The following PCDHGA7 variants were observed in gnomAD, a reference collection of about 807,000 sequenced individuals.
The protein encoded by PCDHGA7 is protocadherin gamma subfamily A, 7, also known as protocadherin gamma-A7.
Under a neutral mutation model 58.3 loss-of-function variants are expected in PCDHGA7, and 44 were observed. The observed-to-expected ratio is 0.75, with a 90% CI of 0.59 to 0.97. The LOEUF is 0.97. Ranked by LOEUF, PCDHGA7 falls within the 50% of genes least tolerant of loss-of-function variation. PCDHGA7 has a pLI of 0.00. For missense variants in PCDHGA7, 1,266 were observed against 1,188.7 expected (o/e 1.06, Z -0.96); for synonymous variants, 516 against 504.2 (o/e 1.02, Z -0.31).
At chr5:141,507,831 T>C (rs2099864030) in intron 3 of PCDHGA7, among the ~76,000 whole-genome samples, 1 of 152,134 alleles carries the variant, frequency 6.6e-6, no homozygotes, top group African/African-American at 2.4e-5. Context: ...GTGGAGGTGG[T>C]GGGTCAGGCC....
rs775895766 is a variant in PCDHGA7 at position 141,384,987 on chromosome 5, G to A, written c.2088G>A (p.Ala696=). The change falls in exon 1 of 4, where the codon GCG becomes GCA. Residue 696 remains alanine, a synonymous_variant. Coordinates refer to ENST00000518325, the MANE Select transcript of PCDHGA7 (RefSeq NM_018920.4). ...ACCTCACGTTGTACCTGGTGGTGGC[G>A]GTGGCCACAGTCTCCTGCGTCTTCC... ...NYDLTLYLVV[A]VATVSCVFLA... is the part of the protein sequence containing the mutation. The A allele has an allele frequency of 8.7e-6, 14 of 1,614,114 alleles. No individual in the cohort carries two copies. The highest frequency in any genetic ancestry group is 1.1e-5 in the Non-Finnish European group (13 of 1,180,044).
At chr5:141,409,524 A>AT (rs1357085904) in intron 1 of PCDHGA7, 9 of 1,613,854 alleles carry the variant, frequency 5.6e-6, no homozygotes, top group Non-Finnish European at 6.8e-6. Context: ...ATCACCTTGT[A>AT]TGTCGCTGAC....
intron 1 of PCDHGA7, among the ~76,000 whole-genome samples, chr5:141,467,695 T>C (rs1189395935): frequency 6.6e-6 from 1 of 152,142 alleles, no homozygotes; most frequent in Non-Finnish European, 1.5e-5. Flanking sequence ...AGGGTCTGGC[T>C]CTGTTGCCCA....
chr5:141,456,236 T>G (rs1299029934), intron 1 of PCDHGA7, among the ~76,000 whole-genome samples: 1 of 152,120 alleles, frequency 6.6e-6, no homozygotes, highest in African/African-American at 2.4e-5. Flanking sequence ...TAACTGCTGT[T>G]AGGAGGCTTT....
rs763001349 is a variant in PCDHGA7 at position 141,398,988 on chromosome 5, C to A, written c.2424+13665C>A. 1.9e-6 allele frequency: 3 copies of A among 1,613,832 alleles called. No homozygotes were observed. The African/African-American group carries it at 4.0e-5, about 22-fold the overall frequency. On this transcript the variant is annotated intron_variant, in intron 1 of 3. Coordinates refer to ENST00000518325, the MANE Select transcript of PCDHGA7 (RefSeq NM_018920.4). Reference sequence around the variant, plus strand: ...ATTCCTTCTACAGAACCGGGCAAATCTTTAGTCTGAATTCAAAGAGCGGAG... The same window carrying A: ...ATTCCTTCTACAGAACCGGGCAAATATTTAGTCTGAATTCAAAGAGCGGAG...
rs758879836 is a variant in PCDHGA7 at position 141,400,006 on chromosome 5, G to A, written c.2424+14683G>A. 3 of 1,612,536 alleles carry A rather than the reference G, an allele frequency of 1.9e-6. No homozygotes were observed. The South Asian group carries it at 3.3e-5, about 18-fold the overall frequency. On this transcript the variant is annotated intron_variant, in intron 1 of 3. Coordinates refer to ENST00000518325, the MANE Select transcript of PCDHGA7 (RefSeq NM_018920.4). ...CACAGGAGAGGTGCGCACAGCGCGT[G>A]CCTTGGGCGACAGGGACGCGGCCCG...
At chr5:141,407,524 C>CT (rs2094949017) in intron 1 of PCDHGA7, among the ~76,000 whole-genome samples, 1 of 146,696 alleles carries the variant, frequency 6.8e-6, no homozygotes, top group Admixed American at 6.8e-5. Flanking sequence ...TAGGACTTAA[C>CT]TTATTGTGCA....
intron 1 of PCDHGA7, among the ~76,000 whole-genome samples, chr5:141,438,674 A>C (rs894070572): frequency 1.9e-4 from 25 of 134,850 alleles, no homozygotes; most frequent in Non-Finnish European, 3.1e-4. Context: ...ATATATTTGG[A>C]GTAGGGGATG....
At position 141,486,881 on chromosome 5, in the gene PCDHGA7, G is replaced by T. The variant is rs114512641; in HGVS notation, c.2425-7926G>T. The T allele has an allele frequency of 1.3e-5, 21 of 1,614,090 alleles. No homozygotes were observed. The East Asian group carries it at 4.7e-4, about 36-fold the overall frequency. ...TGCTCCAGCTGTGCTCCGTCCTCGG[G>T]CCCGGCCTGGTTCCTTATGTCCCCA... is the stretch of plus-strand genomic sequence containing the variant. On this transcript the variant is annotated intron_variant, in intron 1 of 3. Coordinates refer to ENST00000518325, the MANE Select transcript of PCDHGA7 (RefSeq NM_018920.4). This position sits in a 1 kb window ranked among gnomAD's most constrained non-coding sequence, Gnocchi z 5.0.
intron 1 of PCDHGA7, among the ~76,000 whole-genome samples, chr5:141,461,001 A>C (rs1309762345): frequency 6.7e-6 from 1 of 150,320 alleles, no homozygotes; most frequent in Admixed American, 6.7e-5. Context: ...ATATATGTGT[A>C]TATATATATA....
intron 1 of PCDHGA7, chr5:141,423,368 C>A: frequency 3.1e-6 from 5 of 1,614,200 alleles, no homozygotes; most frequent in Non-Finnish European, 4.2e-6. Context: ...GTGCTGCTGG[C>A]ACTCAGGCTG....
intron 3 of PCDHGA7, among the ~76,000 whole-genome samples, chr5:141,508,957 C>T (rs1242113190): frequency 6.6e-6 from 1 of 151,976 alleles, no homozygotes; most frequent in Non-Finnish European, 1.5e-5. Context: ...GAAATGTCAG[C>T]GGAATGAAAG....
rs2097536640 is a variant in PCDHGA7 at position 141,432,779 on chromosome 5, G to C, written c.2424+47456G>C. 3 of 1,614,170 alleles carry C rather than the reference G, an allele frequency of 1.9e-6. No individual in the cohort carries two copies. The highest frequency in any genetic ancestry group is 2.5e-6 in the Non-Finnish European group (3 of 1,180,002). On this transcript the variant is annotated intron_variant, in intron 1 of 3. Coordinates refer to ENST00000518325, the MANE Select transcript of PCDHGA7 (RefSeq NM_018920.4). The surrounding 1 kb of genome is among the most constrained non-coding windows in gnomAD (Gnocchi z 6.0). Reference sequence around the variant, plus strand: ...CGACAGCATCCCCCAAGTCCTGGCGGACCTCGGCAGCCTCGAGTCTCCAGC... The same window carrying C: ...CGACAGCATCCCCCAAGTCCTGGCGCACCTCGGCAGCCTCGAGTCTCCAGC...
rs2097461148 is a variant in PCDHGA7 at position 141,432,174 on chromosome 5, T to C, written c.2424+46851T>C. ...AACAATCCCAGAGGAGTTTCCCTCGTCTCTGTGACCGCCCACGACCCCGAC... is the reference window on the plus strand; with the variant it reads ...AACAATCCCAGAGGAGTTTCCCTCGCCTCTGTGACCGCCCACGACCCCGAC... On this transcript the variant is annotated intron_variant, in intron 1 of 3. Transcript: ENST00000518325. The surrounding 1 kb of genome is among the most constrained non-coding windows in gnomAD (Gnocchi z 6.0). 1 of 1,614,088 alleles carries C rather than the reference T, an allele frequency of 6.2e-7. No homozygotes were observed. Among genetic ancestry groups the C allele is most frequent in the Non-Finnish European group, 8.5e-7 (1 of 1,180,022 alleles).
At chr5:141,468,822 A>C (rs867400152) in intron 1 of PCDHGA7, among the ~76,000 whole-genome samples, 4 of 151,874 alleles carry the variant, frequency 2.6e-5, no homozygotes, top group Middle Eastern at 3.4e-3. Context: ...GCCAAGATCA[A>C]GCCACTGCAC....
intron 1 of PCDHGA7, chr5:141,417,887 C>A: frequency 6.4e-7 from 1 of 1,564,888 alleles, no homozygotes; most frequent in Non-Finnish European, 8.7e-7. Context: ...GCAGAGGCGC[C>A]GGGCCGGCCC....
chr5:141,448,524 T>C (rs1177408162), intron 1 of PCDHGA7, among the ~76,000 whole-genome samples: 1 of 152,194 alleles, frequency 6.6e-6, no homozygotes, highest in Non-Finnish European at 1.5e-5. Context: ...TTATTAAGCA[T>C]CCTGTCAGCA....
chr5:141,490,811 A>G lies in PCDHGA7; in HGVS notation c.2425-3996A>G, dbSNP rs750702067. The G allele has an allele frequency of 1.2e-6, 2 of 1,613,918 alleles. No homozygotes were observed. The highest frequency in any genetic ancestry group is 8.5e-7 in the Non-Finnish European group (1 of 1,179,884). On this transcript the variant is annotated intron_variant, in intron 1 of 3. Coordinates refer to ENST00000518325, the MANE Select transcript of PCDHGA7 (RefSeq NM_018920.4). This position sits in a 1 kb window ranked among gnomAD's most constrained non-coding sequence, Gnocchi z 5.4. ...ATCTTTGCCCAGCGTACCTTTGACTATGAATTGCTGCAGATGCTGCAGATT... is the reference window on the plus strand; with the variant it reads ...ATCTTTGCCCAGCGTACCTTTGACTGTGAATTGCTGCAGATGCTGCAGATT...
chr5:141,475,862 T>G, intron 1 of PCDHGA7: 1 of 492,756 alleles, frequency 2.0e-6, no homozygotes, highest in Non-Finnish European at 3.6e-6. Context: ...GCTAGCTCAT[T>G]CTTCGTGCAG....
Sources: gnomAD v4.1 joint callset for allele counts (sites outside exome capture counted in the v4.1 genomes callset) on GRCh38, gnomAD v4.1.1 for gene constraint, Gnocchi (gnomAD v3.1) non-coding constraint, MANE v1.5 for transcripts, NCBI Gene and HGNC (gene_info 2026-07-23, HGNC 2026-07-21) for gene names.